CCDC7: variants seen among roughly 807,000 people sequenced by gnomAD.
The protein encoded by CCDC7 is coiled-coil domain containing 7, also known as coiled-coil domain-containing protein 7.
A neutral mutation model predicts 196.9 loss-of-function variants in CCDC7; 183 were observed. The observed-to-expected ratio is 0.93, with a 90% CI of 0.82 to 1.05. The LOEUF (loss-of-function observed/expected upper bound fraction) is 1.05, where lower values mean the gene tolerates loss of function less well. Among genes scored for constraint, CCDC7 ranks in the 50% least tolerant of loss-of-function variants. The pLI, the probability that CCDC7 is intolerant of heterozygous loss-of-function variation, is 0.00. For synonymous variants in CCDC7, 525 were observed against 484.6 expected, an observed-to-expected ratio of 1.08 and a Z score of -1.10; for missense variants, 1,540 against 1,482.2, an observed-to-expected ratio of 1.04 and a Z score of -0.64.
intron 18 of CCDC7, among the ~76,000 whole-genome samples, chr10:32,609,447 G>A (rs1269100409): frequency 6.8e-6 from 1 of 146,742 alleles, no homozygotes; most frequent in African/African-American, 2.7e-5. Context: ...TTTGGTTTTT[G>A]TTTGCATGGA....
chr10:32,674,118 TTTTG>T (rs1444155037), intron 21 of CCDC7, among the ~76,000 whole-genome samples: 1 of 146,796 alleles, frequency 6.8e-6, no homozygotes, highest in African/African-American at 2.6e-5. Flanking sequence ...TCTGTTCTAA[TTTTG>T]TTTTTTTTTC....
intron 29 of CCDC7, among the ~76,000 whole-genome samples, chr10:32,785,561 T>A (rs1366338057): frequency 6.6e-6 from 1 of 151,968 alleles, no homozygotes; most frequent in African/African-American, 2.4e-5. Context: ...AAAAAGAAGA[T>A]GATAAAATCT....
chr10:32,601,144 C>G (rs1158900083), intron 18 of CCDC7, among the ~76,000 whole-genome samples: 1 of 152,170 alleles, frequency 6.6e-6, no homozygotes, highest in Admixed American at 6.5e-5. Context: ...ATGATCTCCG[C>G]TCACTGCAAC....
chr10:32,507,142 G>A (rs1239270542), intron 9 of CCDC7, among the ~76,000 whole-genome samples: 2 of 151,998 alleles, frequency 1.3e-5, no homozygotes, highest in South Asian at 4.2e-4. Context: ...ACAAGTGCGC[G>A]CCACCACACC....
intron 23 of CCDC7, among the ~76,000 whole-genome samples, chr10:32,694,016 A>C (rs1355344238): frequency 2.0e-5 from 3 of 152,252 alleles, no homozygotes; most frequent in Admixed American, 6.5e-5. Flanking sequence ...AATTATACAA[A>C]TGCAGACAAT....
At chr10:32,627,047 T>G (rs1227079406) in intron 18 of CCDC7, among the ~76,000 whole-genome samples, 1 of 143,952 alleles carries the variant, frequency 6.9e-6, no homozygotes, top group Middle Eastern at 3.4e-3. Flanking sequence ...TTTTTTTTTT[T>G]GTGGTTCCAT....
intron 22 of CCDC7, among the ~76,000 whole-genome samples, 160 bp downstream of exon 23, chr10:32,686,240 C>T (rs1053503311): frequency 3.3e-5 from 5 of 152,176 alleles, no homozygotes; most frequent in Admixed American, 6.5e-5. Flanking sequence ...GAGTATTTAT[C>T]ACTTGGCAGT....
chr10:32,653,709 A>G (rs572214924), intron 20 of CCDC7, among the ~76,000 whole-genome samples: 2 of 152,314 alleles, frequency 1.3e-5, no homozygotes, highest in South Asian at 2.1e-4. Context: ...ACACCTGAAT[A>G]TAAATTTTAA....
chr10:32,533,246 AACACACAC>A (rs58119017), intron 11 of CCDC7, among the ~76,000 whole-genome samples: 7 of 144,630 alleles, frequency 4.8e-5, no homozygotes, highest in East Asian at 4.2e-4. Flanking sequence ...AAACAAAGGA[AACACACAC>A]ACACACACAC....
intron 28 of CCDC7, among the ~76,000 whole-genome samples, chr10:32,776,453 T>C (rs1371681993): frequency 6.6e-6 from 1 of 152,132 alleles, no homozygotes; most frequent in Non-Finnish European, 1.5e-5. Flanking sequence ...ATTACACTCA[T>C]ATAACATACT....
At chr10:32,662,871 T>G (rs190850737) in intron 20 of CCDC7, among the ~76,000 whole-genome samples, 3 of 152,320 alleles carry the variant, frequency 2.0e-5, no homozygotes, top group Non-Finnish European at 4.4e-5. Flanking sequence ...TCTTCTGTTG[T>G]TCTTACTCCT....
Position 32,770,415 on chromosome 10 carries a change from G to T in CCDC7, c.2906-8562G>T, listed in dbSNP as rs78486980. 2.2e-3 allele frequency among the ~76,000 whole-genome samples: 337 copies of T among 152,148 alleles called. 2 individuals are homozygous for T. Among genetic ancestry groups the T allele is most frequent in the African/African-American group, 7.7e-3 (319 of 41,522 alleles). On this transcript the variant is annotated intron_variant, in intron 28 of 41. Coordinates refer to ENST00000639629, the Ensembl canonical transcript of CCDC7. Reference sequence around the variant, plus strand: ...CATGTTGTTTAATTTCCATGTATTTGTATAGTTTCAAGAATTCCTCTTGGA... The same window carrying T: ...CATGTTGTTTAATTTCCATGTATTTTTATAGTTTCAAGAATTCCTCTTGGA...
At chr10:32,832,438 G>A (rs192101066) in intron 32 of CCDC7, among the ~76,000 whole-genome samples, 22 of 152,150 alleles carry the variant, frequency 1.4e-4, no homozygotes, top group Admixed American at 1.2e-3. Flanking sequence ...GGGAGGTGGA[G>A]TTTGCAGTGA....
At chr10:32,470,660 CAG>C (rs2037765756) in intron 5 of CCDC7, among the ~76,000 whole-genome samples, 1 of 151,976 alleles carries the variant, frequency 6.6e-6, no homozygotes, top group South Asian at 2.1e-4. Flanking sequence ...TAGTAATAGA[CAG>C]TATTAGCCTT....
intron 11 of CCDC7, among the ~76,000 whole-genome samples, chr10:32,527,412 G>C (rs1486102790): frequency 2.7e-5 from 4 of 147,856 alleles, no homozygotes; most frequent in Admixed American, 6.7e-5. Context: ...TTCTGATGGT[G>C]CTTTCCTGTG....
intron 31 of CCDC7, among the ~76,000 whole-genome samples, chr10:32,820,705 A>G (rs1325148785): frequency 2.0e-5 from 3 of 152,176 alleles, no homozygotes; most frequent in Admixed American, 2.0e-4. Flanking sequence ...GACAAAAACA[A>G]GAAATGGGGA....
At chr10:32,658,748 C>T (rs2070545436) in intron 20 of CCDC7, among the ~76,000 whole-genome samples, 1 of 152,092 alleles carries the variant, frequency 6.6e-6, no homozygotes, top group Admixed American at 6.6e-5. Context: ...GTGAAATAAT[C>T]CAGGCCCATA....
intron 24 of CCDC7, among the ~76,000 whole-genome samples, chr10:32,705,345 T>A (rs1199786757): frequency 6.6e-6 from 1 of 152,058 alleles, no homozygotes; most frequent in Non-Finnish European, 1.5e-5. Context: ...GAACAACTGG[T>A]ACCATCCACT....
At chr10:32,623,998 A>G (rs2063698061) in intron 18 of CCDC7, among the ~76,000 whole-genome samples, 1 of 152,156 alleles carries the variant, frequency 6.6e-6, no homozygotes, top group African/African-American at 2.4e-5. Flanking sequence ...TGAGGATTGC[A>G]TTTCAACATG....
Sources: allele counts gnomAD v4.1 joint callset (sites outside exome capture counted in the v4.1 genomes callset), GRCh38; gene constraint gnomAD v4.1.1; transcripts MANE v1.5; gene names NCBI Gene and HGNC (gene_info 2026-07-23, HGNC 2026-07-21).